JPH3: variants seen among roughly 807,000 people sequenced by gnomAD.
JPH3 encodes the protein junctophilin-3.
In JPH3, 11 loss-of-function variants were observed where a neutral mutation model predicts 59.6. That is an observed-to-expected ratio of 0.18 (90% CI 0.12 to 0.31). JPH3 has a LOEUF of 0.31. Ranked by LOEUF, JPH3 falls within the 10% of genes least tolerant of loss-of-function variation. JPH3 has a pLI of 1.00. For missense variants in JPH3, 1,202 were observed against 1,105.7 expected (o/e 1.09, Z -1.24); for synonymous variants, 673 against 483.6 (o/e 1.39, Z -5.14).
At chr16:87,619,281 C>T (rs910728702) in intron 1 of JPH3, among the ~76,000 whole-genome samples, 2 of 150,740 alleles carry the variant, frequency 1.3e-5, no homozygotes, top group Non-Finnish European at 2.9e-5. Flanking sequence ...CCACTGCATT[C>T]CAGCCTGGGT....
chr16:87,606,526 C>T (rs535754754), intron 1 of JPH3, among the ~76,000 whole-genome samples: 2 of 152,258 alleles, frequency 1.3e-5, no homozygotes, highest in Admixed American at 6.5e-5. Flanking sequence ...CAGTCACAAC[C>T]CCAGCTTGCA....
intron 3 of JPH3, among the ~76,000 whole-genome samples, chr16:87,687,313 G>A (rs776723008): frequency 6.6e-6 from 1 of 152,298 alleles, no homozygotes; most frequent in Middle Eastern, 3.4e-3. Flanking sequence ...AGGATGTGGT[G>A]GAATCAGGAT....
At chr16:87,636,322 T>C (rs963697936) in intron 1 of JPH3, among the ~76,000 whole-genome samples, 1 of 152,238 alleles carries the variant, frequency 6.6e-6, no homozygotes, top group Non-Finnish European at 1.5e-5. Flanking sequence ...ACTAGGGTGT[T>C]GCTGGCACAG....
intron 2 of JPH3, among the ~76,000 whole-genome samples, chr16:87,659,631 G>A (rs550003560): frequency 1.6e-3 from 248 of 152,100 alleles, no homozygotes; most frequent in Admixed American, 4.6e-3. Flanking sequence ...TACTCAGGAG[G>A]TTGAGGCAGG....
chr16:87,632,393 C>T (rs1372199649), intron 1 of JPH3, among the ~76,000 whole-genome samples: 3 of 152,166 alleles, frequency 2.0e-5, no homozygotes, highest in Non-Finnish European at 4.4e-5. Context: ...AAACTCTCTT[C>T]CTTTCATTCA....
chr16:87,648,001 C>G lies in JPH3; in HGVS notation c.1160+2966C>G, dbSNP rs150157331. On this transcript the variant is annotated intron_variant, in intron 2 of 4. Transcript: ENST00000284262. ...TGCTGAAGGGGGGCGGGGCTCCCTG[C>G]TCCCTGTAGTGGCCTCGGCGTGGGG... Among the ~76,000 whole-genome samples, 181 of 152,342 alleles carry G rather than the reference C, an allele frequency of 1.2e-3. 1 individual carries two copies. In the East Asian group the frequency reaches 0.022, roughly 18 times the overall value.
chr16:87,643,120 G>A (rs544315224), intron 1 of JPH3, among the ~76,000 whole-genome samples: 1 of 152,246 alleles, frequency 6.6e-6, no homozygotes, highest in African/African-American at 2.4e-5. Context: ...TAAGGACCCC[G>A]TGTACATGGA....
At chr16:87,616,236 G>C (rs1468195697) in intron 1 of JPH3, among the ~76,000 whole-genome samples, 2 of 66,918 alleles carry the variant, frequency 3.0e-5, no homozygotes, top group South Asian at 8.0e-4. Flanking sequence ...GTGTGTGTGT[G>C]TATTTTTTTT....
chr16:87,681,077 A>G (rs954075609), intron 2 of JPH3, among the ~76,000 whole-genome samples: 1 of 152,130 alleles, frequency 6.6e-6, no homozygotes, highest in African/African-American at 2.4e-5. Context: ...ACGAAATATT[A>G]CCCATCGCAG....
In JPH3 at chr16:87,689,764, C is replaced by T. The variant is rs771412960; in HGVS notation, c.1404C>T (p.Ser468=). ...PELYRKGTTP[S]DLTPDDSPLQ... ...TGTACCGCAAGGGCACCACTCCCTC[C>T]GACCTGACCCCCGACGACAGCCCCC... The change falls in exon 4 of 5, where the codon TCC becomes TCT. Residue 468 remains serine, a synonymous_variant. Coordinates refer to ENST00000284262, the MANE Select transcript of JPH3 (RefSeq NM_020655.4). The T allele has an allele frequency of 6.6e-5, 106 of 1,611,404 alleles. No individual in the cohort carries two copies. The highest frequency in any genetic ancestry group is 8.2e-5 in the Non-Finnish European group (97 of 1,179,374).
intron 2 of JPH3, among the ~76,000 whole-genome samples, chr16:87,650,777 G>T (rs2032302772): frequency 6.6e-6 from 1 of 152,224 alleles, no homozygotes; most frequent in Admixed American, 6.5e-5. Flanking sequence ...AGGTGAGGAA[G>T]CTGCAGAAGA....
At position 87,697,346 on chromosome 16, in the gene JPH3, C is replaced by T. The variant is rs1395762698; in HGVS notation, c.*686C>T. On this transcript the variant is annotated 3_prime_UTR_variant, in exon 5 of 5. Transcript: ENST00000284262. ...CCCCACACCGAGTTTTAAAGCAAAG[C>T]CCTTTTCTTCTGCTGCCCACTCACT... 6.6e-6 allele frequency: 1 copy of T among 152,496 alleles called. No individual in the cohort carries two copies. The allele number at this position is 152,496 out of a possible 1,614,324, so 9.4% of individuals were successfully genotyped here.
chr16:87,694,407 C>A, intron 4 of JPH3: 1 of 152,210 alleles, frequency 6.6e-6, no homozygotes, highest in African/African-American at 2.4e-5. Flanking sequence ...ACAAAAGGGT[C>A]CCCGGGCCAG....
At chr16:87,665,831 G>A (rs2032843266) in intron 2 of JPH3, among the ~76,000 whole-genome samples, 1 of 152,200 alleles carries the variant, frequency 6.6e-6, no homozygotes, top group Non-Finnish European at 1.5e-5. Flanking sequence ...TTGCTTCCCA[G>A]AATGTTCTGT....
Position 87,689,636 on chromosome 16 carries a change from C to T in JPH3, c.1286-10C>T, listed in dbSNP as rs776479880. On this transcript the variant is annotated splice_polypyrimidine_tract_variant and intron_variant, in intron 3 of 4. Transcript: ENST00000284262. ...AACGCCGTCTGGCGTCGTCTTGTGT[C>T]CCCATACAGGGCTGGAGTACCAGAG... 5 of 1,610,546 alleles carry T rather than the reference C, an allele frequency of 3.1e-6. No individual in the cohort carries two copies. The highest frequency in any genetic ancestry group is 2.7e-5 in the African/African-American group (2 of 74,846).
At chr16:87,688,997 C>A (rs1347829977) in intron 3 of JPH3, among the ~76,000 whole-genome samples, 8 of 152,190 alleles carry the variant, frequency 5.3e-5, no homozygotes, top group Non-Finnish European at 1.0e-4. Flanking sequence ...GGGGACTGAG[C>A]CACCGGCAGA....
chr16:87,635,984 C>G (rs2031731035), intron 1 of JPH3, among the ~76,000 whole-genome samples: 1 of 152,256 alleles, frequency 6.6e-6, no homozygotes, highest in Non-Finnish European at 1.5e-5. Context: ...GCAACTGGAG[C>G]AGACAGGACA....
chr16:87,618,362 C>T (rs778282451), intron 1 of JPH3, among the ~76,000 whole-genome samples: 18 of 152,018 alleles, frequency 1.2e-4, no homozygotes, highest in Admixed American at 1.0e-3. Flanking sequence ...GTGGACAGGC[C>T]GGGAAAAGGA....
At chr16:87,622,782 C>G (rs1016333047) in intron 1 of JPH3, among the ~76,000 whole-genome samples, 1 of 152,116 alleles carries the variant, frequency 6.6e-6, no homozygotes, top group African/African-American at 2.4e-5. Context: ...TGGTCCTGCT[C>G]TAAACCTGGA....
Sources: allele counts gnomAD v4.1 joint callset (sites outside exome capture counted in the v4.1 genomes callset), GRCh38; gene constraint gnomAD v4.1.1; transcripts MANE v1.5; gene names NCBI Gene and HGNC (gene_info 2026-07-23, HGNC 2026-07-21).